Variants in AKT2 observed in about 807,000 individuals in gnomAD.
AKT2 encodes RAC-beta serine/threonine-protein kinase.
Under a neutral mutation model 58.6 loss-of-function variants are expected in AKT2, and 16 were observed. The observed-to-expected ratio is 0.27, with a 90% CI of 0.18 to 0.41. The LOEUF (loss-of-function observed/expected upper bound fraction) is 0.41, where lower values mean the gene tolerates loss of function less well. Ranked by LOEUF, AKT2 falls within the 10% of genes least tolerant of loss-of-function variation. The pLI, the probability that AKT2 is intolerant of heterozygous loss-of-function variation, is 1.00. For synonymous variants in AKT2, 253 were observed against 254.0 expected (o/e 1.00, Z 0.04); for missense variants, 438 against 661.0 (o/e 0.66, Z 3.70).
At chr19:40,252,095 G>A (rs1424534332) in intron 4 of AKT2, among the ~76,000 whole-genome samples, 1 of 152,156 alleles carries the variant, frequency 6.6e-6, no homozygotes, top group Non-Finnish European at 1.5e-5. Flanking sequence ...TAGCCAACAA[G>A]CAGTCACCGA....
chr19:40,238,207 C>A lies in AKT2; in HGVS notation c.709-116G>T. The A allele has an allele frequency of 2.2e-6, 3 of 1,356,320 alleles. No homozygotes were observed. Among genetic ancestry groups the A allele is most frequent in the South Asian group, 1.3e-5 (1 of 77,618 alleles). The allele number at this position is 1,356,320 out of a possible 1,614,324, so 84.0% of individuals were successfully genotyped here. On this transcript the variant is annotated intron_variant, in intron 8 of 13. Coordinates refer to ENST00000392038, the MANE Select transcript of AKT2 (RefSeq NM_001626.6). The surrounding 1 kb of genome is among the most constrained non-coding windows in gnomAD (Gnocchi z 5.1). ...TGGTGACACCTGTATCATGAACCAG[C>A]AAGTGACAGCTAGAGGGACCAATCA...
Position 40,235,044 on chromosome 19 carries a change from CA to C in AKT2, c.1366del (p.Tyr456MetfsTer119). ...QSITITPPDR[Y>X]DSLGLLELDQ... The stretch of plus-strand genomic sequence containing the variant: ...CCAGCGCGGGGGCCCCAGGCACTCA[CA>C]GCGGTCAGGGGGTGTGATTGTGATG... On this transcript the variant is annotated frameshift_variant and splice_region_variant, in exon 13 of 14. Transcript: ENST00000392038. LOFTEE classifies it high-confidence loss of function. This position sits in a 1 kb window ranked among gnomAD's most constrained non-coding sequence, Gnocchi z 6.3. 1.9e-6 allele frequency: 3 copies of C among 1,614,046 alleles called. No homozygotes were observed. Among genetic ancestry groups the C allele is most frequent in the Non-Finnish European group, 2.5e-6 (3 of 1,179,884 alleles).
At chr19:40,265,782 G>A (rs1976306579) in intron 1 of AKT2, among the ~76,000 whole-genome samples, 3 of 152,004 alleles carry the variant, frequency 2.0e-5, no homozygotes, top group African/African-American at 7.2e-5. Context: ...GCATCTGCCT[G>A]TCCCTCCACC....
rs755068393 is a variant in AKT2, at chr19:40,238,112, G to C, written c.709-21C>G. 2.2e-5 allele frequency: 35 copies of C among 1,581,884 alleles called. No individual in the cohort carries two copies. Among genetic ancestry groups the C allele is most frequent in the Non-Finnish European group, 2.8e-5 (33 of 1,164,616 alleles). ...AACAGCTGCAGGAGGAAGGGGTGGG[G>C]AGAGGAGGTCAGGCCCCAGCCCACC... is the stretch of plus-strand genomic sequence containing the variant. On this transcript the variant is annotated intron_variant, in intron 8 of 13. Transcript: ENST00000392038. The surrounding 1 kb of genome is among the most constrained non-coding windows in gnomAD (Gnocchi z 5.1).
At chr19:40,284,872 C>T in intron 1 of AKT2, 1 of 247,006 alleles carries the variant, frequency 4.0e-6, no homozygotes, top group Non-Finnish European at 7.7e-6. Context: ...ACGCCAGGCT[C>T]GATCTGCCCG....
At chr19:40,236,412 G>C (rs1419826276) in intron 9 of AKT2, 27 bp from the exon 10 acceptor site, 5 of 1,613,760 alleles carry the variant, frequency 3.1e-6, no homozygotes, top group Non-Finnish European at 4.2e-6. Flanking sequence ...CGGATCTCAG[G>C]TGCATGCTCC....
chr19:40,233,964 G>A lies in AKT2; in HGVS notation c.1367-13C>T, dbSNP rs1973854027. ...CCCAGGCTGTCATCTGTGGGCGGCA[G>A]AGGTGGATGGGGAGGACCAGTCAGG... On this transcript the variant is annotated splice_polypyrimidine_tract_variant and intron_variant, in intron 13 of 13. Transcript: ENST00000392038. This position sits in a 1 kb window ranked among gnomAD's most constrained non-coding sequence, Gnocchi z 4.3. 6.2e-7 allele frequency: 1 copy of A among 1,609,040 alleles called. No homozygotes were observed.
In AKT2 at chr19:40,242,261, C is replaced by A. The variant is rs1974455630; in HGVS notation, c.442-192G>T. 2.2e-6 allele frequency: 2 copies of A among 919,114 alleles called. No individual in the cohort carries two copies. Among genetic ancestry groups the A allele is most frequent in the African/African-American group, 1.6e-5 (1 of 60,810 alleles). 56.9% of individuals were successfully genotyped at this position (919,114 alleles called of 1,614,324 possible). ...CAGACCAGGCTCTGCAGGCACAGGG[C>A]CTTGGGAGGGCTGGGCTCTGACGTG... On this transcript the variant is annotated intron_variant, in intron 5 of 13. Coordinates refer to ENST00000392038, the MANE Select transcript of AKT2 (RefSeq NM_001626.6). The surrounding 1 kb of genome is among the most constrained non-coding windows in gnomAD (Gnocchi z 4.3).
chr19:40,261,932 TA>T (rs918724690), intron 2 of AKT2, among the ~76,000 whole-genome samples: 26 of 149,232 alleles, frequency 1.7e-4, no homozygotes, highest in African/African-American at 6.1e-4. Context: ...GGATAAAAAC[TA>T]AAAAAAACCT....
At chr19:40,246,933 A>G (rs1974793384) in intron 4 of AKT2, among the ~76,000 whole-genome samples, 1 of 152,228 alleles carries the variant, frequency 6.6e-6, no homozygotes, top group Non-Finnish European at 1.5e-5. Context: ...CACCGCGCGC[A>G]GGGCGGGGTG....
Position 40,256,907 on chromosome 19 carries a change from C to A in AKT2, c.175+19G>T. ...TCCTGTGAGCACCAGAACACTGACC[C>A]ACTCATCCCAAGACACACCTGCTAC... On this transcript the variant is annotated intron_variant, in intron 3 of 13. Coordinates refer to ENST00000392038, the MANE Select transcript of AKT2 (RefSeq NM_001626.6). 1 of 1,613,932 alleles carries A rather than the reference C, an allele frequency of 6.2e-7. No individual in the cohort carries two copies. Among genetic ancestry groups the A allele is most frequent in the Non-Finnish European group, 8.5e-7 (1 of 1,179,836 alleles).
At chr19:40,236,176 A>T in intron 10 of AKT2, 72 bp from the exon 11 acceptor site, 2 of 1,613,292 alleles carry the variant, frequency 1.2e-6, no homozygotes, top group African/African-American at 2.7e-5. Flanking sequence ...CCCTCAGGGC[A>T]TCTGGGCTGG....
Position 40,235,600 on chromosome 19 carries a change from G to T in AKT2, c.1176-250C>A, listed in dbSNP as rs937556493. ...CTGAGTCCAGAAAGGGAGTTAGTAG[G>T]GCAGGCTCCGTTCCTATCCTGGCTC... On this transcript the variant is annotated intron_variant, in intron 11 of 13. Coordinates refer to ENST00000392038, the MANE Select transcript of AKT2 (RefSeq NM_001626.6). The surrounding 1 kb of genome is among the most constrained non-coding windows in gnomAD (Gnocchi z 6.3). The T allele has an allele frequency of 1.6e-6, 1 of 617,890 alleles. No individual in the cohort carries two copies. Among genetic ancestry groups the T allele is most frequent in the Non-Finnish European group, 2.9e-6 (1 of 348,186 alleles). The allele number at this position is 617,890 out of a possible 1,614,324, so 38.3% of individuals were successfully genotyped here. A position where few individuals can be genotyped will look rare whatever the true frequency, so the allele number is the denominator to read the frequency against.
intron 1 of AKT2, chr19:40,282,801 T>C (rs1356077735): frequency 2.0e-5 from 6 of 303,282 alleles, no homozygotes; most frequent in African/African-American, 1.4e-4. Flanking sequence ...ACAAATACCA[T>C]ATAAAGCCCA....
intron 7 of AKT2, 157 bp from the exon 8 acceptor site, chr19:40,239,130 C>A: frequency 1.6e-6 from 1 of 639,238 alleles, no homozygotes; most frequent in Non-Finnish European, 2.7e-6. Flanking sequence ...ATACCGGCTG[C>A]ACCTTTTGGG....
chr19:40,234,374 G>A lies in AKT2; in HGVS notation c.1367-423C>T, dbSNP rs1350329947. The A allele has an allele frequency of 2.6e-5, 6 of 226,906 alleles. No individual in the cohort carries two copies. Among genetic ancestry groups the A allele is most frequent in the South Asian group, 1.1e-4 (1 of 9,284 alleles). The allele number at this position is 226,906 out of a possible 1,614,324, so 14.1% of individuals were successfully genotyped here. Reference sequence around the variant, plus strand: ...TGAAACCCTTCCATGGCTGGCTCCCGCCATGCAAGCAGTCCCCACCCCTCC... The same window carrying A: ...TGAAACCCTTCCATGGCTGGCTCCCACCATGCAAGCAGTCCCCACCCCTCC... On this transcript the variant is annotated intron_variant, in intron 13 of 13. Coordinates refer to ENST00000392038, the MANE Select transcript of AKT2 (RefSeq NM_001626.6). The surrounding 1 kb of genome is among the most constrained non-coding windows in gnomAD (Gnocchi z 4.7).
chr19:40,235,406 C>A lies in AKT2; in HGVS notation c.1176-56G>T. 6.5e-7 allele frequency: 1 copy of A among 1,549,304 alleles called. No individual in the cohort carries two copies. The highest frequency in any genetic ancestry group is 1.1e-5 in the South Asian group (1 of 89,792). On this transcript the variant is annotated intron_variant, in intron 11 of 13. Coordinates refer to ENST00000392038, the MANE Select transcript of AKT2 (RefSeq NM_001626.6). The surrounding 1 kb of genome is among the most constrained non-coding windows in gnomAD (Gnocchi z 6.3). ...CCCGGAGCAGCTGGGTTCGGGCAGA[C>A]GGGCTTTCGGAGCAGGCAGGCCCTG... is the stretch of plus-strand genomic sequence containing the variant.
intron 1 of AKT2, chr19:40,282,534 C>T (rs896228619): frequency 3.8e-6 from 2 of 532,066 alleles, no homozygotes. Context: ...TCAGGGCAGC[C>T]TGAGGCTCAG....
chr19:40,275,263 CCT>C (rs1568571889), intron 1 of AKT2: 3 of 456,750 alleles, frequency 6.6e-6, no homozygotes, highest in Admixed American at 4.7e-5. Flanking sequence ...CCTTACCGCC[CCT>C]GATGTGCACG....
Sources: allele counts gnomAD v4.1 joint callset (sites outside exome capture counted in the v4.1 genomes callset), GRCh38; gene constraint gnomAD v4.1.1; non-coding constraint Gnocchi (gnomAD v3.1); transcripts MANE v1.5; gene names NCBI Gene and HGNC (gene_info 2026-07-23, HGNC 2026-07-21).